ATRN: variants seen among roughly 807,000 people sequenced by gnomAD.
ATRN encodes attractin-2.
ATRN carries 54 observed loss-of-function variants against 178.7 expected under a neutral mutation model. That is an observed-to-expected ratio of 0.30 (90% CI 0.24 to 0.38). The LOEUF (loss-of-function observed/expected upper bound fraction) is 0.38. ATRN is among the 10% of genes least tolerant of loss of function. The pLI, the probability that ATRN is intolerant of heterozygous loss-of-function variation, is 1.00. For missense variants in ATRN, 1,443 were observed against 1,815.1 expected (o/e 0.79, Z 3.73); for synonymous variants, 636 against 663.0 (o/e 0.96, Z 0.63).
intron 3 of ATRN, among the ~76,000 whole-genome samples, chr20:3,545,212 T>TA (rs1469746040): frequency 6.6e-6 from 1 of 151,660 alleles, no homozygotes; most frequent in Non-Finnish European, 1.5e-5. Flanking sequence ...ACTAAAACTA[T>TA]AAAAAATTAG....
intron 1 of ATRN, among the ~76,000 whole-genome samples, chr20:3,473,439 A>G (rs556946990): frequency 6.6e-6 from 1 of 152,248 alleles, no homozygotes; most frequent in Non-Finnish European, 1.5e-5. Flanking sequence ...AGAGAGAGCA[A>G]AGGGGAGCTT....
At chr20:3,500,536 G>A (rs577660289) in intron 1 of ATRN, among the ~76,000 whole-genome samples, 3 of 151,628 alleles carry the variant, frequency 2.0e-5, no homozygotes, top group Admixed American at 1.3e-4. Context: ...GTCCTTTGTA[G>A]GGACATGGAT....
intron 1 of ATRN, among the ~76,000 whole-genome samples, chr20:3,493,093 AATAT>A (rs1458066938): frequency 4.2e-5 from 6 of 141,852 alleles, no homozygotes; most frequent in Non-Finnish European, 9.1e-5. Flanking sequence ...TAATATATAT[AATAT>A]ATATACATAT....
intron 1 of ATRN, among the ~76,000 whole-genome samples, chr20:3,500,218 G>A (rs1252731449): frequency 2.3e-4 from 35 of 152,228 alleles, no homozygotes; most frequent in East Asian, 3.9e-4. Context: ...AAATAGGAAC[G>A]CTTTTACACT....
rs1296196416 is a variant in ATRN, at chr20:3,608,077, AGTT to A, written c.3801+3819_3801+3821del. ...TTTAAATCAAGTTTTTTTCCTATTG[AGTT>A]GTTTGAATTGCTGGTATATTCTGGT... is the stretch of plus-strand genomic sequence containing the variant. On this transcript the variant is annotated intron_variant, in intron 24 of 28. Transcript: ENST00000262919. 3.9e-5 allele frequency among the ~76,000 whole-genome samples: 6 copies of A among 151,936 alleles called. No individual in the cohort carries two copies. In the East Asian group the frequency reaches 1.2e-3, roughly 29 times the overall value.
chr20:3,642,931 A>G (rs1355932431), intron 27 of ATRN, among the ~76,000 whole-genome samples: 1 of 152,156 alleles, frequency 6.6e-6, no homozygotes, highest in African/African-American at 2.4e-5. Context: ...TTGACACACC[A>G]TCCCTGGTTT....
intron 1 of ATRN, among the ~76,000 whole-genome samples, chr20:3,493,918 CAAA>C (rs1400234201): frequency 6.6e-6 from 1 of 152,008 alleles, no homozygotes; most frequent in African/African-American, 2.4e-5. Flanking sequence ...TATTAGGCAA[CAAA>C]TGTTACATGA....
chr20:3,634,251 C>A, intron 25 of ATRN, 60 bp from the exon 26 acceptor site: 1 of 1,530,254 alleles, frequency 6.5e-7, no homozygotes, highest in Non-Finnish European at 9.0e-7. Context: ...GAGGTGTGGG[C>A]AACGGTGGGA....
rs755832528 is a variant in ATRN, at chr20:3,582,287, C to T, written c.2697C>T (p.Pro899=). Residue 899 remains proline (P), a synonymous_variant, in exon 16 of 29, where the codon CCC becomes CCT. Transcript: ENST00000262919. The part of the protein sequence containing the change: ...DAGFCGILSE[P]STRGLKAATC... Reference sequence around the variant, plus strand: ...GATTCTGTGGAATTTTATCAGAACCCAGTACTCGGGGACTGAAGGCTGCAA... The same window carrying T: ...GATTCTGTGGAATTTTATCAGAACCTAGTACTCGGGGACTGAAGGCTGCAA... 3 of 1,612,870 alleles carry T rather than the reference C, an allele frequency of 1.9e-6. No individual in the cohort carries two copies. Among genetic ancestry groups the T allele is most frequent in the South Asian group, 2.2e-5 (2 of 91,014 alleles).
intron 1 of ATRN, among the ~76,000 whole-genome samples, chr20:3,491,833 T>C (rs1454032218): frequency 6.6e-6 from 1 of 152,162 alleles, no homozygotes; most frequent in African/African-American, 2.4e-5. Flanking sequence ...GAAGCAAGAT[T>C]GTGTAGGTCT....
At chr20:3,617,402 A>G (rs371507220) in intron 24 of ATRN, among the ~76,000 whole-genome samples, 1 of 152,220 alleles carries the variant, frequency 6.6e-6, no homozygotes. Context: ...TCATAGGGAA[A>G]GTAAGTGTAG....
intron 4 of ATRN, among the ~76,000 whole-genome samples, chr20:3,546,602 A>C (rs1168269111): frequency 2.0e-5 from 3 of 152,048 alleles, no homozygotes; most frequent in Non-Finnish European, 4.4e-5. Flanking sequence ...CATGTTGGCC[A>C]GGCTGGTCTT....
chr20:3,520,838 AAAG>A (rs139178130), intron 1 of ATRN, among the ~76,000 whole-genome samples: 1,862 of 152,322 alleles, frequency 0.012, 33 homozygotes, highest in African/African-American at 0.043. Context: ...AGGAAAAAGA[AAAG>A]AGAGCAATGT....
intron 11 of ATRN, 50 bp from the exon 12 acceptor site, chr20:3,572,681 A>G (rs753410703): frequency 4.6e-5 from 69 of 1,495,404 alleles, no homozygotes; most frequent in Non-Finnish European, 6.2e-5. Flanking sequence ...ATAGCATCCA[A>G]TTGTTATCTG....
intron 13 of ATRN, among the ~76,000 whole-genome samples, chr20:3,576,177 T>C (rs777049172): frequency 2.0e-5 from 3 of 152,200 alleles, no homozygotes; most frequent in Admixed American, 6.6e-5. Context: ...GTAGGACTGT[T>C]GTCCCTGGGC....
At chr20:3,566,487 T>G (rs868093193) in intron 11 of ATRN, among the ~76,000 whole-genome samples, 3 of 152,250 alleles carry the variant, frequency 2.0e-5, no homozygotes, top group African/African-American at 7.2e-5. Context: ...TTTAAAATTC[T>G]AAGCCATATA....
intron 1 of ATRN, among the ~76,000 whole-genome samples, chr20:3,527,706 T>C (rs2085387459): frequency 6.6e-6 from 1 of 151,996 alleles, no homozygotes; most frequent in Admixed American, 6.6e-5. Flanking sequence ...ATAAAGAAAA[T>C]GTGGCACATA....
intron 15 of ATRN, among the ~76,000 whole-genome samples, chr20:3,581,341 A>G (rs570924190): frequency 2.3e-4 from 35 of 152,360 alleles, no homozygotes; most frequent in South Asian, 8.3e-4. Flanking sequence ...GCTAAACTTT[A>G]TATTTTGATT....
At chr20:3,537,141 A>G (rs2085545589) in intron 2 of ATRN, among the ~76,000 whole-genome samples, 1 of 152,238 alleles carries the variant, frequency 6.6e-6, no homozygotes, top group Non-Finnish European at 1.5e-5. Flanking sequence ...ATTGGTTAGT[A>G]TCCCCATCAA....
Sources: gnomAD v4.1 joint callset for allele counts (sites outside exome capture counted in the v4.1 genomes callset) on GRCh38, gnomAD v4.1.1 for gene constraint, MANE v1.5 for transcripts, NCBI Gene and HGNC (gene_info 2026-07-23, HGNC 2026-07-21) for gene names.